DENND1A: variants seen among roughly 807,000 people sequenced by gnomAD.
DENND1A encodes DENN domain-containing protein 1A.
Under a neutral mutation model 113.7 loss-of-function variants are expected in DENND1A, and 51 were observed. The observed-to-expected ratio is 0.45, with a 90% CI of 0.36 to 0.57. DENND1A has a LOEUF of 0.57. DENND1A is among the 20% of genes least tolerant of loss of function. The pLI, the probability that DENND1A is intolerant of heterozygous loss-of-function variation, is 0.00. For synonymous variants in DENND1A, 565 were observed against 570.8 expected (o/e 0.99, Z 0.14); for missense variants, 1,258 against 1,395.9 (o/e 0.90, Z 1.57).
chr9:123,715,136 A>G (rs561730878), intron 5 of DENND1A, among the ~76,000 whole-genome samples: 117 of 152,244 alleles, frequency 7.7e-4, no homozygotes, highest in Non-Finnish European at 1.2e-3. Flanking sequence ...GTGAGCCAAG[A>G]TCGCGCCACT....
At chr9:123,651,342 T>C (rs1183587977) in intron 9 of DENND1A, among the ~76,000 whole-genome samples, 2 of 152,254 alleles carry the variant, frequency 1.3e-5, no homozygotes, top group African/African-American at 4.8e-5. Context: ...TGAAATACCA[T>C]AGCACATCTA....
intron 19 of DENND1A, among the ~76,000 whole-genome samples, chr9:123,431,618 C>T (rs541002799): frequency 6.6e-6 from 1 of 152,322 alleles, no homozygotes; most frequent in South Asian, 2.1e-4. Context: ...CTCTGTGAGC[C>T]TGTCTCCTCC....
At chr9:123,488,534 C>A (rs2051082984) in intron 13 of DENND1A, among the ~76,000 whole-genome samples, 1 of 152,190 alleles carries the variant, frequency 6.6e-6, no homozygotes, top group African/African-American at 2.4e-5. Flanking sequence ...AGTAAATACA[C>A]AACCTCTACT....
At chr9:123,676,900 C>T in intron 5 of DENND1A, 111 bp from the exon 6 acceptor site, 4 of 972,182 alleles carry the variant, frequency 4.1e-6, no homozygotes, top group Non-Finnish European at 4.9e-6. Flanking sequence ...CCTGAAGAGT[C>T]TTCCTGTCAC....
intron 10 of DENND1A, among the ~76,000 whole-genome samples, chr9:123,628,104 T>C (rs2061321869): frequency 6.6e-6 from 1 of 151,870 alleles, no homozygotes; most frequent in Admixed American, 6.6e-5. Flanking sequence ...CCCCGTCCTA[T>C]CCTTGTGTGT....
At chr9:123,437,477 C>G (rs2046610894) in intron 19 of DENND1A, among the ~76,000 whole-genome samples, 1 of 152,234 alleles carries the variant, frequency 6.6e-6, no homozygotes, top group African/African-American at 2.4e-5. Context: ...TCAACGGTCT[C>G]CATCCCCACT....
intron 1 of DENND1A, among the ~76,000 whole-genome samples, chr9:123,903,922 CACAG>C (rs1369680773): frequency 1.3e-5 from 2 of 152,124 alleles, no homozygotes; most frequent in Non-Finnish European, 1.5e-5. Flanking sequence ...GGGGGAAGGG[CACAG>C]ACAAACAAAA....
intron 13 of DENND1A, among the ~76,000 whole-genome samples, chr9:123,484,330 G>A (rs2050606322): frequency 6.6e-6 from 1 of 152,190 alleles, no homozygotes; most frequent in South Asian, 2.1e-4. Context: ...AAGGGCTGTG[G>A]TGAGGACTTT....
intron 1 of DENND1A, among the ~76,000 whole-genome samples, chr9:123,885,895 T>C (rs1041929872): frequency 3.3e-5 from 5 of 152,304 alleles, no homozygotes; most frequent in African/African-American, 9.6e-5. Flanking sequence ...TTATCCTGCC[T>C]CATCCTCCCA....
intron 5 of DENND1A, among the ~76,000 whole-genome samples, chr9:123,688,674 A>G (rs1011531102): frequency 1.3e-5 from 2 of 152,302 alleles, no homozygotes; most frequent in Admixed American, 1.3e-4. Flanking sequence ...ACCTTTCAAC[A>G]GAACAGAGGG....
chr9:123,511,391 A>C (rs1390817889), intron 13 of DENND1A, among the ~76,000 whole-genome samples: 1 of 152,220 alleles, frequency 6.6e-6, no homozygotes, highest in Non-Finnish European at 1.5e-5. Context: ...CTCAGGAAGC[A>C]CCTGCTGCCA....
rs185294424 is a variant in DENND1A, at chr9:123,583,519, C to A, written c.766-249G>T. Among the ~76,000 whole-genome samples, 7 of 152,252 alleles carry A rather than the reference C, an allele frequency of 4.6e-5. No individual in the cohort carries two copies. In the East Asian group the frequency reaches 1.2e-3, roughly 25 times the overall value. ...GGGTTCACAGAGGCTCAGTAACATG[C>A]CCCAGGTCACATAGCCAGAAAGTAA... On this transcript the variant is annotated intron_variant, in intron 11 of 23. Transcript: ENST00000394215.
intron 2 of DENND1A, among the ~76,000 whole-genome samples, chr9:123,796,579 A>C (rs1833793242): frequency 6.6e-6 from 1 of 152,046 alleles, no homozygotes; most frequent in African/African-American, 2.4e-5. Context: ...GACTTACTGG[A>C]AAGGTGCTAT....
rs556243413 is a variant in DENND1A at position 123,894,537 on chromosome 9, A to G, written c.18-15516T>C. 2.6e-5 allele frequency among the ~76,000 whole-genome samples: 4 copies of G among 152,336 alleles called. No individual in the cohort carries two copies. In the South Asian group the frequency reaches 6.2e-4, roughly 24 times the overall value. On this transcript the variant is annotated intron_variant, in intron 1 of 23. Coordinates refer to ENST00000394215, the MANE Select transcript of DENND1A (RefSeq NM_001352964.2). ...CAAAATGCTGTGGGTTTGCAAATTG[A>G]AGACATCATTCTGAGCTAAGGTTGT...
intron 13 of DENND1A, among the ~76,000 whole-genome samples, chr9:123,503,342 G>C (rs771480618): frequency 2.0e-5 from 3 of 152,170 alleles, no homozygotes; most frequent in Non-Finnish European, 2.9e-5. Flanking sequence ...GTGTATTTAA[G>C]AGTACTTCGC....
At chr9:123,706,708 T>A (rs1351067796) in intron 5 of DENND1A, among the ~76,000 whole-genome samples, 3 of 138,142 alleles carry the variant, frequency 2.2e-5, no homozygotes, top group Admixed American at 1.5e-4. Flanking sequence ...GAGGGGGAGC[T>A]TGCAGTGAGC....
intron 12 of DENND1A, among the ~76,000 whole-genome samples, chr9:123,575,630 T>G (rs2058594989): frequency 6.6e-6 from 1 of 152,234 alleles, no homozygotes; most frequent in Non-Finnish European, 1.5e-5. Flanking sequence ...CCACTAAAGT[T>G]ACTCTTTTTC....
rs963313791 is a variant in DENND1A, at chr9:123,531,965, G to C, written c.993+25605C>G. On this transcript the variant is annotated intron_variant, in intron 13 of 23. Coordinates refer to ENST00000394215, the MANE Select transcript of DENND1A (RefSeq NM_001352964.2). ...CACCAGACATGGGCAGGACAGATGTGGCTTATAACATGTGATGAATGGAGG... is the reference window on the plus strand; with the variant it reads ...CACCAGACATGGGCAGGACAGATGTCGCTTATAACATGTGATGAATGGAGG... Among the ~76,000 whole-genome samples the C allele has an allele frequency of 7.9e-5, 12 of 152,272 alleles. No individual in the cohort carries two copies. In the South Asian group the frequency reaches 1.2e-3, roughly 16 times the overall value.
intron 2 of DENND1A, among the ~76,000 whole-genome samples, chr9:123,815,022 T>C (rs746457784): frequency 4.9e-4 from 75 of 152,324 alleles, no homozygotes; most frequent in South Asian, 1.5e-3. Flanking sequence ...ATCTTCTTCA[T>C]TAAAATATAA....
Sources: allele counts gnomAD v4.1 joint callset (sites outside exome capture counted in the v4.1 genomes callset), GRCh38; gene constraint gnomAD v4.1.1; transcripts MANE v1.5; gene names NCBI Gene and HGNC (gene_info 2026-07-23, HGNC 2026-07-21).